The following LDLRAD2 variants were observed in gnomAD, a reference collection of about 807,000 sequenced individuals.
LDLRAD2 encodes the protein low density lipoprotein receptor class A domain containing 2, also known as low-density lipoprotein receptor class A domain-containing protein 2.
LDLRAD2 carries 25 observed loss-of-function variants against 24.9 expected under a neutral mutation model. That is an observed-to-expected ratio of 1.00 (90% CI 0.73 to 1.40). LDLRAD2 has a LOEUF of 1.40. Ranked by LOEUF, LDLRAD2 falls within the 40% of genes most tolerant of loss-of-function variation. The pLI is 0.00. For missense variants in LDLRAD2, 391 were observed against 366.2 expected, an observed-to-expected ratio of 1.07 and a Z score of -0.55; for synonymous variants, 182 against 166.7, an observed-to-expected ratio of 1.09 and a Z score of -0.71.
In LDLRAD2 at chr1:21,821,511, T is replaced by C. The variant is rs1202532471; in HGVS notation, c.705T>C (p.Thr235=). The C allele has an allele frequency of 1.2e-6, 2 of 1,613,796 alleles. No individual in the cohort carries two copies. Among genetic ancestry groups the C allele is most frequent in the Non-Finnish European group, 8.5e-7 (1 of 1,179,968 alleles). The part of the protein sequence containing the change: ...STDAHTSRSL[T]PSPALGSAGS... ...ATGCCCATACCTCCAGATCCCTGAC[T>C]CCCTCCCCAGCTCTCGGGTCTGCAG... is the stretch of plus-strand genomic sequence containing the variant. The change falls in exon 4 of 5, where the codon ACT becomes ACC. Residue 235 remains threonine (T), a synonymous_variant. Transcript: ENST00000344642.
intron 3 of LDLRAD2, among the ~76,000 whole-genome samples, chr1:21,817,597 C>T (rs1258054440): frequency 6.6e-6 from 1 of 152,086 alleles, no homozygotes; most frequent in Non-Finnish European, 1.5e-5. Context: ...CCTTGGCCTC[C>T]CAAAGTGCTG....
intron 3 of LDLRAD2, among the ~76,000 whole-genome samples, chr1:21,818,613 T>C (rs2097946768): frequency 6.6e-6 from 1 of 152,214 alleles, no homozygotes; most frequent in African/African-American, 2.4e-5. Context: ...GATGTCTGCC[T>C]CATTTCTCCA....
chr1:21,818,127 TTGG>T lies in LDLRAD2; in HGVS notation c.643+2054_643+2056del, dbSNP rs1232090882. Among the ~76,000 whole-genome samples the T allele has an allele frequency of 0.011, 360 of 32,950 alleles. 169 individuals are homozygous for T. The East Asian group carries it at 0.17, about 16-fold the overall frequency. 21.6% of individuals were successfully genotyped at this position (32,950 alleles called of 152,430 possible). A position where few individuals can be genotyped will look rare whatever the true frequency, so the allele number is the denominator to read the frequency against. On this transcript the variant is annotated intron_variant, in intron 3 of 4. Transcript: ENST00000344642. ...CCTGACCTCAAGTGATCCACCCGCC[TTGG>T]CCTCCCAAAGTGCTGGGATTACAGG...
At chr1:21,821,633 T>C in intron 4 of LDLRAD2, 22 bp downstream of exon 4, 1 of 1,609,666 alleles carries the variant, frequency 6.2e-7, no homozygotes, top group Non-Finnish European at 8.5e-7. Flanking sequence ...CTCCTACTCT[T>C]CCCACCAAAA....
chr1:21,821,869 A>T (rs1198803638), intron 4 of LDLRAD2: 10 of 1,422,500 alleles, frequency 7.0e-6, no homozygotes, highest in Non-Finnish European at 8.2e-6. Context: ...ACTGCAGCAC[A>T]GCCTGTACCA....
At position 21,814,776 on chromosome 1, in the gene LDLRAD2, G is replaced by T. The variant is rs189027200; in HGVS notation, c.464G>T (p.Arg155Leu). The T allele has an allele frequency of 1.5e-4, 215 of 1,482,396 alleles. 3 individuals carry two copies. The East Asian group carries it at 3.9e-3, about 27-fold the overall frequency. The allele number at this position is 1,482,396 out of a possible 1,614,324, so 91.8% of individuals were successfully genotyped here. ...GGCCTGCGCCTGGTCACGAGAGGCC[G>T]CCAGCCCCGCGTGGACTTCGTGGGC... ...FLGLRLVTRG[R>L]QPRVDFVGEV... Residue 155 changes from arginine (R) to leucine (L), a missense_variant, in exon 2 of 5, where the codon CGC becomes CTC. Arg to Leu is a moderately radical substitution (Grantham distance 102). Transcript: ENST00000344642.
rs756556570 is a variant in LDLRAD2 at position 21,822,516 on chromosome 1, G to A, written c.*301G>A. 1.0e-5 allele frequency: 4 copies of A among 401,968 alleles called. No homozygotes were observed. The highest frequency in any genetic ancestry group is 4.9e-5 in the East Asian group (1 of 20,240). 24.9% of individuals were successfully genotyped at this position (401,968 alleles called of 1,614,324 possible). On this transcript the variant is annotated 3_prime_UTR_variant, in exon 5 of 5. Transcript: ENST00000344642. ...CGTCCGTCCGTTGTCTGTTGGAGGA[G>A]TCCCTGGGCCTTCACTTCCAGATGG...
At chr1:21,819,187 A>G (rs2097947522) in intron 3 of LDLRAD2, among the ~76,000 whole-genome samples, 1 of 151,928 alleles carries the variant, frequency 6.6e-6, no homozygotes. Context: ...CAACCTGACC[A>G]ACATGGAGAA....
At position 21,814,526 on chromosome 1, in the gene LDLRAD2, G is replaced by A; in HGVS notation, c.214G>A (p.Ala72Thr). The A allele has an allele frequency of 6.2e-7, 1 of 1,612,378 alleles. No individual in the cohort carries two copies. Among genetic ancestry groups the A allele is most frequent in the Non-Finnish European group, 8.5e-7 (1 of 1,179,518 alleles). The change falls in exon 2 of 5, where the codon GCC becomes ACC. Residue 72 changes from alanine (A) to threonine (T), a missense_variant. Physicochemically the swap from Ala to Thr is moderately conservative, Grantham distance 58. Transcript: ENST00000344642. ...CTGCGGGCTCTGGGTGCAGGCGGCA[G>A]CCCCCGGCGACCGGATCCGCTTCCA... is the stretch of plus-strand genomic sequence containing the variant. The part of the protein sequence containing the change: ...TDCGLWVQAA[A>T]PGDRIRFQFR...
At chr1:21,818,003 T>A (rs1333623994) in intron 3 of LDLRAD2, among the ~76,000 whole-genome samples, 2 of 152,052 alleles carry the variant, frequency 1.3e-5, no homozygotes, top group Non-Finnish European at 2.9e-5. Context: ...CAGCCTCCGG[T>A]GTAGCTGGGA....
intron 3 of LDLRAD2, among the ~76,000 whole-genome samples, chr1:21,817,097 C>T (rs2097944726): frequency 6.6e-6 from 1 of 152,164 alleles, no homozygotes; most frequent in Non-Finnish European, 1.5e-5. Flanking sequence ...ATCTTTTACT[C>T]CCCGCTTAAC....
At position 21,823,813 on chromosome 1, in the gene LDLRAD2, G is replaced by T; in HGVS notation, c.*1598G>T. 1 of 962,012 alleles carries T rather than the reference G, an allele frequency of 1.0e-6. No homozygotes were observed. Among genetic ancestry groups the T allele is most frequent in the Non-Finnish European group, 1.7e-6 (1 of 605,390 alleles). The allele number at this position is 962,012 out of a possible 1,614,324, so 59.6% of individuals were successfully genotyped here. ...CCCTCCCTCTGATATCGAGACTCCA[G>T]ACTCAGAAGTCTGTCCCTGTTTCCC... is the stretch of plus-strand genomic sequence containing the variant. On this transcript the variant is annotated 3_prime_UTR_variant, in exon 5 of 5. Transcript: ENST00000344642.
At position 21,823,708 on chromosome 1, in the gene LDLRAD2, C is replaced by T; in HGVS notation, c.*1493C>T. On this transcript the variant is annotated 3_prime_UTR_variant, in exon 5 of 5. Transcript: ENST00000344642. ...CTCACCGTCGACTTGGATGGAACCT[C>T]TGCGGCCCTCCCTGCAGTGGAACTG... 2 of 1,613,478 alleles carry T rather than the reference C, an allele frequency of 1.2e-6. No individual in the cohort carries two copies. Among genetic ancestry groups the T allele is most frequent in the Non-Finnish European group, 1.7e-6 (2 of 1,179,918 alleles).
chr1:21,823,984 G>A lies in LDLRAD2; in HGVS notation c.*1769G>A, dbSNP rs551671337. ...CGAGATGGAAGCCCGAGCCCTGGCTGGTGGGTTCTCCCCTCCCCTGGCTTC... is the reference window on the plus strand; with the variant it reads ...CGAGATGGAAGCCCGAGCCCTGGCTAGTGGGTTCTCCCCTCCCCTGGCTTC... On this transcript the variant is annotated 3_prime_UTR_variant, in exon 5 of 5. Transcript: ENST00000344642. 1.8e-5 allele frequency: 17 copies of A among 920,580 alleles called. No individual in the cohort carries two copies. In the African/African-American group the frequency reaches 2.6e-4, roughly 14 times the overall value. The allele number at this position is 920,580 out of a possible 1,614,324, so 57.0% of individuals were successfully genotyped here.
chr1:21,824,348 T>C lies in LDLRAD2; in HGVS notation c.*2133T>C, dbSNP rs756568323. ...GTCTTGAAGCCCGAGGCTGATGAAG[T>C]CCTTGCCTTGGCCGGCCTCTCCCAC... On this transcript the variant is annotated 3_prime_UTR_variant, in exon 5 of 5. Coordinates refer to ENST00000344642, the MANE Select transcript of LDLRAD2 (RefSeq NM_001013693.3). The surrounding 1 kb of genome is among the most constrained non-coding windows in gnomAD (Gnocchi z 5.9). 10 of 1,613,696 alleles carry C rather than the reference T, an allele frequency of 6.2e-6. No homozygotes were observed. Among genetic ancestry groups the C allele is most frequent in the Non-Finnish European group, 8.5e-6 (10 of 1,180,014 alleles).
chr1:21,816,241 A>T (rs933653371), intron 3 of LDLRAD2, among the ~76,000 whole-genome samples, 167 bp downstream of exon 3: 1 of 152,242 alleles, frequency 6.6e-6, no homozygotes, highest in Non-Finnish European at 1.5e-5. Flanking sequence ...CAGGGCCAGA[A>T]CTATGCTGCA....
In LDLRAD2 at chr1:21,812,318, C is replaced by T. The variant is rs2097939318; in HGVS notation, c.-134C>T. 4.7e-6 allele frequency: 3 copies of T among 644,744 alleles called. No homozygotes were observed. Among genetic ancestry groups the T allele is most frequent in the Non-Finnish European group, 8.3e-6 (3 of 359,320 alleles). 39.9% of individuals were successfully genotyped at this position (644,744 alleles called of 1,614,324 possible). ...CAAAGCACTAAGATCATAGTGAAGA[C>T]TTGCCTCCCCCTTCTCCTTGTGTCC... On this transcript the variant is annotated 5_prime_UTR_variant, in exon 1 of 5. Coordinates refer to ENST00000344642, the MANE Select transcript of LDLRAD2 (RefSeq NM_001013693.3).
In LDLRAD2 at chr1:21,814,580, A is replaced by AC. The variant is rs764956197; in HGVS notation, c.273dup (p.Ala92ArgfsTer101). The AC allele has an allele frequency of 6.2e-7, 1 of 1,609,614 alleles. No individual in the cohort carries two copies. Among genetic ancestry groups the AC allele is most frequent in the African/African-American group, 1.3e-5 (1 of 74,114 alleles). ...CCGCTTCTTCCTGGTCTACAGCCTGACCCCCGCGCCCCCGGCGCTCAACAC... is the reference window on the plus strand; with the variant it reads ...CCGCTTCTTCCTGGTCTACAGCCTGACCCCCCGCGCCCCCGGCGCTCAACAC... On this transcript the variant is annotated frameshift_variant, in exon 2 of 5. Transcript: ENST00000344642. LOFTEE classifies it high-confidence loss of function.
rs567999404 is a variant in LDLRAD2, at chr1:21,823,670, C to T, written c.*1455C>T. On this transcript the variant is annotated 3_prime_UTR_variant, in exon 5 of 5. Coordinates refer to ENST00000344642, the MANE Select transcript of LDLRAD2 (RefSeq NM_001013693.3). Reference sequence around the variant, plus strand: ...GCCACGTTGGGACCTGGGGACCGGCCGCTGACCAGCTCCTCACCGTCGACT... The same window carrying T: ...GCCACGTTGGGACCTGGGGACCGGCTGCTGACCAGCTCCTCACCGTCGACT... 10 of 1,613,636 alleles carry T rather than the reference C, an allele frequency of 6.2e-6. No individual in the cohort carries two copies. The highest frequency in any genetic ancestry group is 5.3e-5 in the African/African-American group (4 of 74,912).
Sources: allele counts gnomAD v4.1 joint callset (sites outside exome capture counted in the v4.1 genomes callset), GRCh38; gene constraint gnomAD v4.1.1; non-coding constraint Gnocchi (gnomAD v3.1); transcripts MANE v1.5; gene names NCBI Gene and HGNC (gene_info 2026-07-23, HGNC 2026-07-21).